ASTN2: variants seen among roughly 807,000 people sequenced by gnomAD.
ASTN2 encodes the protein astrotactin-2.
ASTN2 carries 54 observed loss-of-function variants against 139.8 expected under a neutral mutation model. The observed-to-expected ratio is 0.39, with a 90% confidence interval of 0.31 to 0.48. ASTN2 has a LOEUF of 0.48. ASTN2 is among the 20% of genes least tolerant of loss of function. The probability of loss-of-function intolerance (pLI) is 0.95; values close to 1 mark genes in which losing one functional copy is unlikely to be tolerated. For missense variants in ASTN2, 1,565 were observed against 1,725.1 expected, an observed-to-expected ratio of 0.91 and a Z score of 1.64; for synonymous variants, 756 against 719.5, an observed-to-expected ratio of 1.05 and a Z score of -0.81.
chr9:116,857,701 G>T (rs984877017), intron 11 of ASTN2, among the ~76,000 whole-genome samples: 5 of 152,122 alleles, frequency 3.3e-5, no homozygotes, highest in African/African-American at 1.2e-4. Context: ...TAATGGGAGA[G>T]GGTCCTTTCT....
intron 19 of ASTN2, among the ~76,000 whole-genome samples, chr9:116,540,992 ATGCC>A (rs1473034993): frequency 6.6e-6 from 1 of 151,828 alleles, no homozygotes; most frequent in East Asian, 1.9e-4. Context: ...AAAAGTTTGA[ATGCC>A]ACATCTAATG....
chr9:116,905,454 C>T (rs1011708242), intron 10 of ASTN2, among the ~76,000 whole-genome samples: 1 of 152,142 alleles, frequency 6.6e-6, no homozygotes, highest in Admixed American at 6.5e-5. Context: ...ATCCTCTTAA[C>T]CATGCTACCC....
At chr9:117,035,154 G>T (rs1017806374) in intron 6 of ASTN2, among the ~76,000 whole-genome samples, 8 of 152,242 alleles carry the variant, frequency 5.3e-5, no homozygotes, top group African/African-American at 1.9e-4. Flanking sequence ...ACTGAAAAAG[G>T]ATGAAAGCTG....
chr9:116,687,198 C>G (rs1860278445), intron 16 of ASTN2: 1 of 1,018,714 alleles, frequency 9.8e-7, no homozygotes, highest in African/African-American at 1.7e-5. Flanking sequence ...GCAGGGCCGC[C>G]TTGCCCCGCG....
intron 3 of ASTN2, among the ~76,000 whole-genome samples, chr9:117,185,842 C>A (rs1196881245): frequency 6.6e-6 from 1 of 152,108 alleles, no homozygotes; most frequent in East Asian, 1.9e-4. Flanking sequence ...GGCCAAGATT[C>A]ATGAATTTAG....
intron 19 of ASTN2, among the ~76,000 whole-genome samples, chr9:116,567,823 G>C (rs1371770075): frequency 6.6e-6 from 1 of 152,074 alleles, no homozygotes; most frequent in Non-Finnish European, 1.5e-5. Context: ...CTGTATGCTA[G>C]GCACTTTCTC....
At chr9:117,142,050 A>G (rs1479070482) in intron 3 of ASTN2, among the ~76,000 whole-genome samples, 4 of 152,190 alleles carry the variant, frequency 2.6e-5, no homozygotes, top group Non-Finnish European at 5.9e-5. Flanking sequence ...ATGTGTGATG[A>G]TCTGAAACGA....
In ASTN2 at chr9:116,715,074, C is replaced by T. The variant is rs1398030802; in HGVS notation, c.2806+10697G>A. 9.9e-4 allele frequency among the ~76,000 whole-genome samples: 2 copies of T among 2,012 alleles called. 1 individual carries two copies. Among genetic ancestry groups the T allele is most frequent in the African/African-American group, 8.0e-3 (2 of 250 alleles). 1.3% of individuals were successfully genotyped at this position (2,012 alleles called of 152,430 possible). A position where few individuals can be genotyped will look rare whatever the true frequency, so the allele number is the denominator to read the frequency against. On this transcript the variant is annotated intron_variant, in intron 16 of 22. Transcript: ENST00000313400. ...CAGCCTGGGCGACAGAGCGAGACTC[C>T]GTCTCAAAAAAAAAAAAAAAAAAAA...
At chr9:117,279,937 T>G (rs1405735137) in intron 2 of ASTN2, among the ~76,000 whole-genome samples, 1 of 152,180 alleles carries the variant, frequency 6.6e-6, no homozygotes, top group African/African-American at 2.4e-5. Flanking sequence ...TCATAAGGAC[T>G]AATTTTTTTA....
In ASTN2 at chr9:116,866,464, A is replaced by C. The variant is rs888424923; in HGVS notation, c.1890-2731T>G. 2.0e-5 allele frequency among the ~76,000 whole-genome samples: 3 copies of C among 152,216 alleles called. No individual in the cohort carries two copies. The East Asian group carries it at 5.8e-4, about 29-fold the overall frequency. ...GGTGACAGGTTTATGGGAGGAAAGA[A>C]TTAATAGTTCCTGAAATGAAGCTCT... is the stretch of plus-strand genomic sequence containing the variant. On this transcript the variant is annotated intron_variant, in intron 10 of 22. Coordinates refer to ENST00000313400, the MANE Select transcript of ASTN2 (RefSeq NM_001365068.1).
At chr9:117,033,350 C>G (rs1208007721) in intron 6 of ASTN2, among the ~76,000 whole-genome samples, 1 of 152,116 alleles carries the variant, frequency 6.6e-6, no homozygotes, top group Non-Finnish European at 1.5e-5. Flanking sequence ...AATATTATTA[C>G]TACTTCTAAC....
chr9:117,370,639 C>CTTAA (rs1023646689), intron 1 of ASTN2, among the ~76,000 whole-genome samples: 3 of 152,100 alleles, frequency 2.0e-5, no homozygotes, highest in African/African-American at 7.2e-5. Context: ...AAGTAATCTG[C>CTTAA]TTAAGATCAG....
chr9:117,410,959 A>C (rs1216236490), intron 1 of ASTN2, among the ~76,000 whole-genome samples: 1 of 152,170 alleles, frequency 6.6e-6, no homozygotes, highest in African/African-American at 2.4e-5. Flanking sequence ...TTGTCTAACA[A>C]TCTTGATGAT....
At chr9:117,191,118 C>T (rs1831336245) in intron 3 of ASTN2, among the ~76,000 whole-genome samples, 5 of 150,728 alleles carry the variant, frequency 3.3e-5, no homozygotes, top group Admixed American at 3.3e-4. Context: ...ACATTCAGAC[C>T]ATTTGACCCA....
chr9:117,119,973 T>C (rs935086589), intron 4 of ASTN2, among the ~76,000 whole-genome samples: 2 of 136,668 alleles, frequency 1.5e-5, no homozygotes, highest in East Asian at 4.3e-4. Flanking sequence ...CATATATAGA[T>C]ATCTCTATAT....
chr9:116,620,606 G>T (rs1282536570), intron 17 of ASTN2, among the ~76,000 whole-genome samples, 163 bp from the exon 18 acceptor site: 3 of 151,998 alleles, frequency 2.0e-5, no homozygotes, highest in Non-Finnish European at 4.4e-5. Flanking sequence ...TACTATCAGG[G>T]TCTCCCATCC....
Position 116,512,354 on chromosome 9 carries a change from G to A in ASTN2, c.3356-24854C>T, listed in dbSNP as rs140940474. Among the ~76,000 whole-genome samples the A allele has an allele frequency of 9.7e-3, 1,485 of 152,342 alleles. 21 individuals carry two copies. The highest frequency in any genetic ancestry group is 0.029 in the African/African-American group (1,188 of 41,576). Reference sequence around the variant, plus strand: ...TCTTGAGGCCTAGTTTGATTGCACTGTGTTCTGAGAGACAGTTTGTTTTAA... The same window carrying A: ...TCTTGAGGCCTAGTTTGATTGCACTATGTTCTGAGAGACAGTTTGTTTTAA... On this transcript the variant is annotated intron_variant, in intron 19 of 22. Coordinates refer to ENST00000313400, the MANE Select transcript of ASTN2 (RefSeq NM_001365068.1).
intron 1 of ASTN2, among the ~76,000 whole-genome samples, chr9:117,351,550 C>A (rs1303957578): frequency 3.3e-5 from 5 of 152,144 alleles, no homozygotes; most frequent in African/African-American, 1.2e-4. Context: ...CCTGACTACA[C>A]AAACAATAAA....
intron 7 of ASTN2, among the ~76,000 whole-genome samples, chr9:116,990,750 A>G (rs1314523285): frequency 1.3e-5 from 2 of 152,124 alleles, no homozygotes; most frequent in African/African-American, 2.4e-5. Flanking sequence ...TTTACAAAAC[A>G]TTTTTACAGT....
Sources: gnomAD v4.1 joint callset for allele counts (sites outside exome capture counted in the v4.1 genomes callset) on GRCh38, gnomAD v4.1.1 for gene constraint, MANE v1.5 for transcripts, NCBI Gene and HGNC (gene_info 2026-07-23, HGNC 2026-07-21) for gene names.